ENOX2: variants seen among roughly 807,000 people sequenced by gnomAD.
The protein encoded by ENOX2 is APK1 antigen.
ENOX2 carries 36 observed loss-of-function variants against 45.0 expected under a neutral mutation model. That is an observed-to-expected ratio of 0.80 (90% CI 0.61 to 1.06). ENOX2 has a LOEUF of 1.06. Among genes scored for constraint, ENOX2 ranks in the 50% least tolerant of loss-of-function variants. The pLI, the probability that ENOX2 is intolerant of heterozygous loss-of-function variation, is 0.00. For missense variants in ENOX2, 423 were observed against 462.5 expected (o/e 0.91, Z 0.78); for synonymous variants, 174 against 152.3 (o/e 1.14, Z -1.05).
At chrX:130,772,709 C>A (rs1193312992) in intron 3 of ENOX2, among the ~76,000 whole-genome samples, 1 of 112,102 alleles carries the variant, frequency 8.9e-6, no homozygotes, top group Non-Finnish European at 1.9e-5. Context: ...TCAACTTGAT[C>A]TCTTATCTTT....
intron 2 of ENOX2, among the ~76,000 whole-genome samples, chrX:130,881,138 T>G (rs181693738): frequency 1.1e-3 from 118 of 111,837 alleles, no homozygotes; most frequent in African/African-American, 3.5e-3. Context: ...ACAAAAAAAT[T>G]CAGTTCCTCA....
chrX:130,696,868 T>C (rs1446769820), intron 4 of ENOX2, among the ~76,000 whole-genome samples: 1 of 111,733 alleles, frequency 8.9e-6, no homozygotes, highest in Non-Finnish European at 1.9e-5. Context: ...CTTTTTTGTT[T>C]TGGCTGCTTT....
At chrX:130,805,043 G>A (rs913859860) in intron 2 of ENOX2, among the ~76,000 whole-genome samples, 4 of 111,523 alleles carry the variant, frequency 3.6e-5, no homozygotes, top group African/African-American at 1.3e-4. Context: ...CACCATATGA[G>A]GACACATACA....
intron 2 of ENOX2, among the ~76,000 whole-genome samples, chrX:130,857,772 T>A (rs1378519121): frequency 8.9e-6 from 1 of 111,853 alleles, no homozygotes; most frequent in Admixed American, 9.5e-5. Flanking sequence ...ATATTAATTA[T>A]GTATAGTTTT....
intron 2 of ENOX2, among the ~76,000 whole-genome samples, chrX:130,840,509 TTCTC>T (rs892615791): frequency 1.7e-4 from 18 of 105,027 alleles, no homozygotes; most frequent in African/African-American, 6.0e-4. Flanking sequence ...ATACAAGATT[TTCTC>T]TCTTTTAAAA....
chrX:130,700,200 G>C (rs1026180580), intron 4 of ENOX2, among the ~76,000 whole-genome samples: 2 of 112,139 alleles, frequency 1.8e-5, no homozygotes, highest in Non-Finnish European at 3.8e-5. Flanking sequence ...AAATAATACA[G>C]AGATGAGAAA....
chrX:130,721,143 C>G (rs2038464520), intron 3 of ENOX2, among the ~76,000 whole-genome samples: 1 of 111,027 alleles, frequency 9.0e-6, no homozygotes, highest in African/African-American at 3.3e-5. Flanking sequence ...CCAAACTCCA[C>G]CGACAGGGCC....
intron 4 of ENOX2, among the ~76,000 whole-genome samples, chrX:130,693,943 T>C (rs1423887933): frequency 1.8e-5 from 2 of 111,751 alleles, no homozygotes; most frequent in African/African-American, 6.5e-5. Context: ...GGAGAGAGAC[T>C]TAGAGCAAAT....
intron 7 of ENOX2, among the ~76,000 whole-genome samples, chrX:130,669,544 C>A (rs2036923519): frequency 8.9e-6 from 1 of 111,762 alleles, no homozygotes; most frequent in Non-Finnish European, 1.9e-5. Context: ...AGAATTTTAC[C>A]AGAGTTTTTC....
chrX:130,771,324 A>C (rs2148372929), intron 3 of ENOX2, among the ~76,000 whole-genome samples: 1 of 112,227 alleles, frequency 8.9e-6, no homozygotes, highest in Non-Finnish European at 1.9e-5. Context: ...AGAGGATTAT[A>C]CTAGGAAGGA....
At chrX:130,858,841 A>G (rs2078359537) in intron 2 of ENOX2, among the ~76,000 whole-genome samples, 1 of 112,253 alleles carries the variant, frequency 8.9e-6, no homozygotes, top group African/African-American at 3.2e-5. Context: ...ATTGGAAACA[A>G]TTCAAAGTTG....
chrX:130,807,200 G>A (rs766048379), intron 2 of ENOX2, among the ~76,000 whole-genome samples: 1 of 112,196 alleles, frequency 8.9e-6, no homozygotes, highest in East Asian at 2.8e-4. Context: ...TGAGCTGAAA[G>A]AATAAGATAT....
In ENOX2 at chrX:130,746,199, G is replaced by A. The variant is rs141758514; in HGVS notation, c.-39+37348C>T. ...CATACACATTTCTTTTAAGCTTCCC[G>A]TTAATGAGCAGCAATGGACTTCCCA... On this transcript the variant is annotated intron_variant, in intron 3 of 14. Coordinates refer to ENST00000394363, the MANE Select transcript of ENOX2 (RefSeq NM_006375.4). Among the ~76,000 whole-genome samples the A allele has an allele frequency of 4.3e-3, 480 of 112,091 alleles. 2 individuals carry two copies. Among genetic ancestry groups the A allele is most frequent in the African/African-American group, 0.015 (454 of 30,803 alleles).
intron 2 of ENOX2, among the ~76,000 whole-genome samples, chrX:130,794,504 G>T (rs1467385460): frequency 1.8e-5 from 2 of 112,730 alleles, no homozygotes; most frequent in Non-Finnish European, 3.7e-5. Context: ...CTTTAAGTAG[G>T]AACAGTTACT....
chrX:130,793,126 T>C (rs1233867352), intron 2 of ENOX2, among the ~76,000 whole-genome samples: 1 of 112,335 alleles, frequency 8.9e-6, no homozygotes, highest in Non-Finnish European at 1.9e-5. Flanking sequence ...ATGCCCCCCT[T>C]ACAGCAAAGT....
chrX:130,647,810 T>C (rs2036279020), intron 10 of ENOX2, among the ~76,000 whole-genome samples: 1 of 111,350 alleles, frequency 9.0e-6, no homozygotes, highest in African/African-American at 3.3e-5. Context: ...TGTCTTCCAA[T>C]ACATTTCTGC....
chrX:130,668,798 T>G (rs933462843), intron 7 of ENOX2, among the ~76,000 whole-genome samples: 1 of 112,329 alleles, frequency 8.9e-6, no homozygotes, highest in East Asian at 2.8e-4. Flanking sequence ...ATTACTTAGA[T>G]ATAGACTTTA....
chrX:130,629,238 T>G (rs1441302566), intron 13 of ENOX2, among the ~76,000 whole-genome samples: 1 of 112,531 alleles, frequency 8.9e-6, no homozygotes, highest in Non-Finnish European at 1.9e-5. Context: ...CTGAGAAACT[T>G]AAATTCTGAA....
chrX:130,632,167 A>G (rs767157027), intron 12 of ENOX2, among the ~76,000 whole-genome samples: 39 of 110,747 alleles, frequency 3.5e-4, no homozygotes, highest in Non-Finnish European at 6.8e-4. Flanking sequence ...TATTCCACTG[A>G]CAGTTAATCA....
Sources: gnomAD v4.1 joint callset for allele counts (sites outside exome capture counted in the v4.1 genomes callset) on GRCh38, gnomAD v4.1.1 for gene constraint, MANE v1.5 for transcripts, NCBI Gene and HGNC (gene_info 2026-07-23, HGNC 2026-07-21) for gene names.